Variants in GLRA3 observed in about 807,000 individuals in gnomAD.
GLRA3 encodes the protein glycine receptor subunit alpha-3.
In GLRA3, 44 loss-of-function variants were observed where a neutral mutation model predicts 60.4. The ratio of observed to expected loss-of-function variants is 0.73; its 90% CI spans 0.57 to 0.94. GLRA3 has a LOEUF of 0.94. Among genes scored for constraint, GLRA3 ranks in the 40% least tolerant of loss-of-function variants. GLRA3 has a pLI of 0.00. For synonymous variants in GLRA3, 223 were observed against 192.9 expected (o/e 1.16, Z -1.29); for missense variants, 508 against 564.6 (o/e 0.90, Z 1.02).
At chr4:174,795,995 T>C (rs1411422477) in intron 1 of GLRA3, among the ~76,000 whole-genome samples, 2 of 152,230 alleles carry the variant, frequency 1.3e-5, no homozygotes, top group African/African-American at 4.8e-5. Context: ...ATTTTCTTTA[T>C]GACTTGCTAT....
intron 1 of GLRA3, among the ~76,000 whole-genome samples, chr4:174,823,092 T>C (rs1012647535): frequency 3.6e-4 from 55 of 152,218 alleles, no homozygotes; most frequent in African/African-American, 1.3e-3. Context: ...ATACACTGTT[T>C]GTTGCTAAAC....
chr4:174,675,350 C>T lies in GLRA3; in HGVS notation c.927+1728G>A, dbSNP rs143373795. On this transcript the variant is annotated intron_variant, in intron 7 of 9. Coordinates refer to ENST00000274093, the MANE Select transcript of GLRA3 (RefSeq NM_006529.4). Reference sequence around the variant, plus strand: ...CATTCTTCTTTTTTTTAAGTTGTGCCTCCATTCTGTGTTTTTAATTTATTG... The same window carrying T: ...CATTCTTCTTTTTTTTAAGTTGTGCTTCCATTCTGTGTTTTTAATTTATTG... 8.4e-3 allele frequency among the ~76,000 whole-genome samples: 1,279 copies of T among 152,048 alleles called. 20 individuals are homozygous for T. The highest frequency in any genetic ancestry group is 0.03 in the African/African-American group (1,225 of 41,500).
chr4:174,806,234 G>A (rs773956153), intron 1 of GLRA3, among the ~76,000 whole-genome samples: 16 of 151,960 alleles, frequency 1.1e-4, no homozygotes, highest in African/African-American at 1.4e-4. Flanking sequence ...TATACTAATC[G>A]CTGCATGCGT....
intron 3 of GLRA3, 136 bp from the exon 4 acceptor site, chr4:174,728,834 T>C: frequency 1.7e-6 from 1 of 583,896 alleles, no homozygotes; most frequent in Admixed American, 3.1e-5. Flanking sequence ...GGTGTATAGT[T>C]AATGGAGGAG....
intron 2 of GLRA3, among the ~76,000 whole-genome samples, chr4:174,782,401 C>G (rs1414038496): frequency 6.6e-6 from 1 of 151,082 alleles, no homozygotes; most frequent in African/African-American, 2.4e-5. Context: ...CCTTTGAAAA[C>G]TGGCACAAGA....
intron 1 of GLRA3, among the ~76,000 whole-genome samples, chr4:174,816,097 T>C (rs764869257): frequency 4.6e-5 from 7 of 152,166 alleles, no homozygotes; most frequent in Non-Finnish European, 1.0e-4. Context: ...TCAGTGAGTA[T>C]GTGGTGGAAG....
At chr4:174,654,978 C>T (rs142426078) in intron 9 of GLRA3, among the ~76,000 whole-genome samples, 4 of 152,220 alleles carry the variant, frequency 2.6e-5, no homozygotes, top group African/African-American at 9.6e-5. Context: ...TTTAAAAAAG[C>T]GGTATACAAT....
chr4:174,639,203 G>T lies in GLRA3; in HGVS notation c.*4583C>A, dbSNP rs575211025. 6.6e-6 allele frequency: 1 copy of T among 152,154 alleles called. No individual in the cohort carries two copies. Among genetic ancestry groups the T allele is most frequent in the African/African-American group, 2.4e-5 (1 of 41,440 alleles). The allele number at this position is 152,154 out of a possible 1,614,324, so 9.4% of individuals were successfully genotyped here. Reference sequence around the variant, plus strand: ...TTATGTGTTTTTGAGGCAAAAGATTGTTGCATGATTAAGAGCTGGCCAAAT... The same window carrying T: ...TTATGTGTTTTTGAGGCAAAAGATTTTTGCATGATTAAGAGCTGGCCAAAT... On this transcript the variant is annotated 3_prime_UTR_variant, in exon 10 of 10. Transcript: ENST00000274093.
Position 174,639,404 on chromosome 4 carries a change from G to GCA in GLRA3, c.*4381_*4382insTG, listed in dbSNP as rs1732575081. The GCA allele has an allele frequency of 7.8e-6, 1 of 127,830 alleles. No individual in the cohort carries two copies. The highest frequency in any genetic ancestry group is 3.0e-5 in the African/African-American group (1 of 33,374). The allele number at this position is 127,830 out of a possible 1,614,324, so 7.9% of individuals were successfully genotyped here. On this transcript the variant is annotated 3_prime_UTR_variant, in exon 10 of 10. Coordinates refer to ENST00000274093, the MANE Select transcript of GLRA3 (RefSeq NM_006529.4). ...TGTGTGTGTGTGTGTGTGTGTGTGT[G>GCA]TGTGTGAAAGAGAGAGAGAGAGAGG...
At chr4:174,725,526 G>C (rs1405247895) in intron 4 of GLRA3, among the ~76,000 whole-genome samples, 1 of 152,108 alleles carries the variant, frequency 6.6e-6, no homozygotes, top group African/African-American at 2.4e-5. Context: ...TTTTACCCAG[G>C]CTGGAGTGCA....
chr4:174,679,366 C>T (rs1302432962), intron 6 of GLRA3, among the ~76,000 whole-genome samples: 1 of 151,868 alleles, frequency 6.6e-6, no homozygotes. Context: ...TATCTCACCC[C>T]AATGAAATAA....
At chr4:174,723,267 C>T (rs1194985122) in intron 4 of GLRA3, among the ~76,000 whole-genome samples, 1 of 152,050 alleles carries the variant, frequency 6.6e-6, no homozygotes, top group Non-Finnish European at 1.5e-5. Flanking sequence ...GTACAACTGT[C>T]ATCTTGAAAT....
chr4:174,826,466 G>C (rs1740971215), intron 1 of GLRA3, among the ~76,000 whole-genome samples: 1 of 152,142 alleles, frequency 6.6e-6, no homozygotes, highest in South Asian at 2.1e-4. Context: ...TTCTGTGACA[G>C]TCACACTTCT....
chr4:174,667,893 G>C (rs1733741584), intron 7 of GLRA3, among the ~76,000 whole-genome samples: 1 of 152,014 alleles, frequency 6.6e-6, no homozygotes, highest in Non-Finnish European at 1.5e-5. Context: ...GATATGGTTT[G>C]GATCTGTGCC....
At chr4:174,768,886 T>A (rs1470157743) in intron 2 of GLRA3, among the ~76,000 whole-genome samples, 1 of 152,120 alleles carries the variant, frequency 6.6e-6, no homozygotes, top group Non-Finnish European at 1.5e-5. Flanking sequence ...AATAGAAACG[T>A]AAAAATATTT....
chr4:174,808,782 A>G (rs974190661), intron 1 of GLRA3, among the ~76,000 whole-genome samples: 9 of 151,576 alleles, frequency 5.9e-5, no homozygotes, highest in Admixed American at 2.6e-4. Flanking sequence ...GTTTTTAACA[A>G]AAAAAAAATT....
At chr4:174,683,476 G>C (rs887799229) in intron 5 of GLRA3, among the ~76,000 whole-genome samples, 3 of 151,770 alleles carry the variant, frequency 2.0e-5, no homozygotes. Context: ...TCAGCCTCCC[G>C]AGTAGCTGGG....
chr4:174,758,440 T>A (rs903077437), intron 3 of GLRA3, among the ~76,000 whole-genome samples: 1 of 152,126 alleles, frequency 6.6e-6, no homozygotes, highest in Admixed American at 6.5e-5. Context: ...ATGAACCCAA[T>A]TGAGAGACAT....
chr4:174,731,219 T>C (rs1219797035), intron 3 of GLRA3, among the ~76,000 whole-genome samples: 1 of 152,188 alleles, frequency 6.6e-6, no homozygotes, highest in Non-Finnish European at 1.5e-5. Context: ...AAATTCAGCA[T>C]TTCAAAAATG....
Sources: allele counts gnomAD v4.1 joint callset (sites outside exome capture counted in the v4.1 genomes callset), GRCh38; gene constraint gnomAD v4.1.1; transcripts MANE v1.5; gene names NCBI Gene and HGNC (gene_info 2026-07-23, HGNC 2026-07-21).